Variants in MAP4K5 observed in about 807,000 individuals in gnomAD.
The protein encoded by MAP4K5 is MAPK/ERK kinase kinase kinase 5.
Under a neutral mutation model 135.6 loss-of-function variants are expected in MAP4K5, and 82 were observed. The ratio of observed to expected loss-of-function variants is 0.60; its 90% CI spans 0.51 to 0.73. The LOEUF (loss-of-function observed/expected upper bound fraction) is 0.73, where lower values mean the gene tolerates loss of function less well. Ranked by LOEUF, MAP4K5 falls within the 30% of genes least tolerant of loss-of-function variation. The pLI, the probability that MAP4K5 is intolerant of heterozygous loss-of-function variation, is 0.00. For synonymous variants in MAP4K5, 347 were observed against 335.0 expected, an observed-to-expected ratio of 1.04 and a Z score of -0.39; for missense variants, 907 against 1,010.9, an observed-to-expected ratio of 0.90 and a Z score of 1.39.
intron 1 of MAP4K5, chr14:50,559,503 G>A (rs2038807359): frequency 6.6e-6 from 1 of 152,154 alleles, no homozygotes; most frequent in Admixed American, 6.5e-5. Flanking sequence ...AGACTATGTA[G>A]TATGATTTCA....
intron 2 of MAP4K5, among the ~76,000 whole-genome samples, chr14:50,507,883 G>C (rs2037846552): frequency 6.6e-6 from 1 of 152,158 alleles, no homozygotes; most frequent in Admixed American, 6.5e-5. Context: ...GCAGAGCTGA[G>C]TTCAAGTCCT....
intron 3 of MAP4K5, among the ~76,000 whole-genome samples, chr14:50,495,657 AC>A (rs1352585582): frequency 6.6e-6 from 1 of 152,238 alleles, no homozygotes; most frequent in Admixed American, 6.5e-5. Context: ...GGTAGAGGCA[AC>A]CCAGTTTGAC....
intron 10 of MAP4K5, among the ~76,000 whole-genome samples, chr14:50,468,065 A>AT (rs1198727339): frequency 6.6e-6 from 1 of 152,122 alleles, no homozygotes; most frequent in Non-Finnish European, 1.5e-5. Context: ...TTTTTCTGAG[A>AT]TAATACATCC....
chr14:50,514,911 T>A (rs1045111760), intron 2 of MAP4K5, among the ~76,000 whole-genome samples: 3 of 151,546 alleles, frequency 2.0e-5, no homozygotes, highest in African/African-American at 7.3e-5. Context: ...CTTATTCTTT[T>A]TTTTTTTTTT....
At chr14:50,477,695 G>A (rs75308182) in intron 6 of MAP4K5, among the ~76,000 whole-genome samples, 1,776 of 152,080 alleles carry the variant, frequency 0.012, 18 homozygotes, top group Non-Finnish European at 0.018. Context: ...AATGAATGTT[G>A]GATTTTGCTA....
intron 27 of MAP4K5, 101 bp from the exon 28 acceptor site, chr14:50,434,672 T>A: frequency 9.7e-7 from 1 of 1,035,386 alleles, no homozygotes; most frequent in Non-Finnish European, 1.4e-6. Flanking sequence ...CTTCTTCATT[T>A]ATCTAGTTCT....
chr14:50,460,075 C>T (rs1039891448), intron 13 of MAP4K5, among the ~76,000 whole-genome samples: 1 of 152,098 alleles, frequency 6.6e-6, no homozygotes, highest in Non-Finnish European at 1.5e-5. Context: ...TTATTAACAC[C>T]TCTGCTCAGG....
chr14:50,434,882 T>C (rs936732775), intron 27 of MAP4K5, 80 bp downstream of exon 27: 9 of 778,486 alleles, frequency 1.2e-5, no homozygotes, highest in African/African-American at 5.2e-5. Flanking sequence ...TAGATAGTAG[T>C]ATTGGGATCT....
intron 1 of MAP4K5, chr14:50,560,489 C>G (rs2038824957): frequency 2.7e-6 from 2 of 737,026 alleles, no homozygotes. Context: ...GTCACCGAAT[C>G]GCGCTGTCGG....
chr14:50,479,397 C>T, intron 6 of MAP4K5, among the ~76,000 whole-genome samples: 1 of 151,906 alleles, frequency 6.6e-6, no homozygotes, highest in East Asian at 1.9e-4. Flanking sequence ...ATTTAATCAT[C>T]TGCTAATTTC....
intron 11 of MAP4K5, among the ~76,000 whole-genome samples, chr14:50,464,737 G>A (rs1474546513): frequency 6.6e-6 from 1 of 152,154 alleles, no homozygotes; most frequent in South Asian, 2.1e-4. Flanking sequence ...TGGAGAGAAT[G>A]GACAAGAACT....
Position 50,448,769 on chromosome 14 carries a change from C to A in MAP4K5, c.1074+5G>T, listed in dbSNP as rs747817954. 6.5e-7 allele frequency: 1 copy of A among 1,536,760 alleles called. No individual in the cohort carries two copies. Among genetic ancestry groups the A allele is most frequent in the South Asian group, 1.2e-5 (1 of 81,036 alleles). On this transcript the variant is annotated splice_donor_5th_base_variant and intron_variant, in intron 15 of 32. Transcript: ENST00000682126. ...GAAAATAATGCTTTAAAAATGAATT[C>A]TTACCATTTCATCTCGTGCTTCTGT...
intron 3 of MAP4K5, among the ~76,000 whole-genome samples, chr14:50,500,354 G>A (rs1424923883): frequency 1.3e-5 from 2 of 152,138 alleles, no homozygotes; most frequent in Non-Finnish European, 2.9e-5. Context: ...TTAAGCTGAG[G>A]TCTGAATGAC....
chr14:50,435,388 A>G (rs1174115176), intron 26 of MAP4K5, among the ~76,000 whole-genome samples: 5 of 152,062 alleles, frequency 3.3e-5, no homozygotes, highest in African/African-American at 7.2e-5. Flanking sequence ...TTAAAGAGAC[A>G]GGGTCTTGCT....
At chr14:50,502,310 T>C (rs140590964) in intron 3 of MAP4K5, among the ~76,000 whole-genome samples, 36 of 152,160 alleles carry the variant, frequency 2.4e-4, no homozygotes, top group Non-Finnish European at 4.7e-4. Context: ...TGTATGTCCG[T>C]ATAGTTGCAA....
Position 50,420,118 on chromosome 14 carries a change from C to T in MAP4K5, c.2454-12G>A, listed in dbSNP as rs1160825995. 1.9e-6 allele frequency: 3 copies of T among 1,551,656 alleles called. No homozygotes were observed. In the African/African-American group the frequency reaches 4.1e-5, roughly 21 times the overall value. ...CCAAAACGACAACCCTGTAATTAAA[C>T]CAAAACAAAGGGCTTAAGAGTAACT... is the stretch of plus-strand genomic sequence containing the variant. On this transcript the variant is annotated splice_polypyrimidine_tract_variant and intron_variant, in intron 32 of 32. Transcript: ENST00000682126.
chr14:50,535,969 TG>T (rs1314131359), upstream of MAP4K5, among the ~76,000 whole-genome samples: 4 of 152,346 alleles, frequency 2.6e-5, no homozygotes, highest in African/African-American at 9.6e-5. Context: ...GGAGTTCCCC[TG>T]CACAAGCTCC....
chr14:50,467,586 C>G (rs1183645983), intron 10 of MAP4K5, among the ~76,000 whole-genome samples: 1 of 152,164 alleles, frequency 6.6e-6, no homozygotes, highest in South Asian at 2.1e-4. Flanking sequence ...AATTCACCAA[C>G]TACTACATAT....
chr14:50,526,840 C>T (rs944284166), intron 2 of MAP4K5, among the ~76,000 whole-genome samples: 11 of 152,144 alleles, frequency 7.2e-5, no homozygotes, highest in African/African-American at 2.7e-4. Context: ...AAAGTAAAGG[C>T]ATACATAAAG....
Sources: allele counts gnomAD v4.1 joint callset (sites outside exome capture counted in the v4.1 genomes callset), GRCh38; gene constraint gnomAD v4.1.1; transcripts MANE v1.5; gene names NCBI Gene and HGNC (gene_info 2026-07-23, HGNC 2026-07-21).